The following ST8SIA3 variants were observed in gnomAD, a reference collection of about 807,000 sequenced individuals.
ST8SIA3 encodes ST8 alpha-N-acetyl-neuraminide alpha-2,8-sialyltransferase 3, also known as alpha-N-acetylneuraminate alpha-2,8-sialyltransferase ST8SIA3.
ST8SIA3 carries 17 observed loss-of-function variants against 34.5 expected under a neutral mutation model. The ratio of observed to expected loss-of-function variants is 0.49; its 90% CI spans 0.34 to 0.74. ST8SIA3 has a LOEUF of 0.74. Ranked by LOEUF, ST8SIA3 falls within the 30% of genes least tolerant of loss-of-function variation. The pLI, the probability that ST8SIA3 is intolerant of heterozygous loss-of-function variation, is 0.01. For missense variants in ST8SIA3, 354 were observed against 467.8 expected, an observed-to-expected ratio of 0.76 and a Z score of 2.24; for synonymous variants, 172 against 176.1, an observed-to-expected ratio of 0.98 and a Z score of 0.19.
rs1414875891 is a variant in ST8SIA3 at position 57,352,763 on chromosome 18, CACACACAT to C, written c.-82_-75del. ...ACACACACACACACACACACACACACACACACATATATACACGCCAGCGAGCTGCTGGC... is the reference window on the plus strand; with the variant it reads ...ACACACACACACACACACACACACACATATACACGCCAGCGAGCTGCTGGC... On this transcript the variant is annotated 5_prime_UTR_variant, in exon 1 of 4. Transcript: ENST00000324000. 21 of 968,566 alleles carry C rather than the reference CACACACAT, an allele frequency of 2.2e-5. No individual in the cohort carries two copies. The African/African-American group carries it at 4.2e-4, about 19-fold the overall frequency. The allele number at this position is 968,566 out of a possible 1,614,324, so 60.0% of individuals were successfully genotyped here. A position where few individuals can be genotyped will look rare whatever the true frequency, so the allele number is the denominator to read the frequency against.
At position 57,365,681 on chromosome 18, in the gene ST8SIA3, G is replaced by A. The variant is rs780070128; in HGVS notation, c.*5404G>A. On this transcript the variant is annotated 3_prime_UTR_variant, in exon 4 of 4. Transcript: ENST00000324000. The stretch of plus-strand genomic sequence containing the variant: ...AGTCTCCAAAACACAAAGGTATTCA[G>A]GCTAAAATAAAACCAATCAAAAAAG... The A allele has an allele frequency of 6.6e-6, 1 of 152,124 alleles. No individual in the cohort carries two copies. Among genetic ancestry groups the A allele is most frequent in the African/African-American group, 2.4e-5 (1 of 41,422 alleles). The allele number at this position is 152,124 out of a possible 1,614,324, so 9.4% of individuals were successfully genotyped here.
In ST8SIA3 at chr18:57,368,511, C is replaced by A. The variant is rs963594707; in HGVS notation, c.*8234C>A. On this transcript the variant is annotated 3_prime_UTR_variant, in exon 4 of 4. Coordinates refer to ENST00000324000, the MANE Select transcript of ST8SIA3 (RefSeq NM_015879.3). ...TTGATGCATTTGTTTTGGAAAGTGC[C>A]ATTTTATGCTGAGATACTGGTATTG... 1 of 152,208 alleles carries A rather than the reference C, an allele frequency of 6.6e-6. No homozygotes were observed. The highest frequency in any genetic ancestry group is 6.5e-5 in the Admixed American group (1 of 15,290). The allele number at this position is 152,208 out of a possible 1,614,324, so 9.4% of individuals were successfully genotyped here. A position where few individuals can be genotyped will look rare whatever the true frequency, so the allele number is the denominator to read the frequency against.
In ST8SIA3 at chr18:57,361,581, A is replaced by G. The variant is rs1476100224; in HGVS notation, c.*1304A>G. 4 of 152,642 alleles carry G rather than the reference A, an allele frequency of 2.6e-5. No individual in the cohort carries two copies. Among genetic ancestry groups the G allele is most frequent in the Admixed American group, 6.5e-5 (1 of 15,284 alleles). The allele number at this position is 152,642 out of a possible 1,614,324, so 9.5% of individuals were successfully genotyped here. A position where few individuals can be genotyped will look rare whatever the true frequency, so the allele number is the denominator to read the frequency against. Reference sequence around the variant, plus strand: ...GCAGTGGCAAGAGTTGGAATCCAAGATTATGTAGACCTGCGATGAAGGAAG... The same window carrying G: ...GCAGTGGCAAGAGTTGGAATCCAAGGTTATGTAGACCTGCGATGAAGGAAG... On this transcript the variant is annotated 3_prime_UTR_variant, in exon 4 of 4. Coordinates refer to ENST00000324000, the MANE Select transcript of ST8SIA3 (RefSeq NM_015879.3).
In ST8SIA3 at chr18:57,366,945, T is replaced by C. The variant is rs533500619; in HGVS notation, c.*6668T>C. 10 of 152,330 alleles carry C rather than the reference T, an allele frequency of 6.6e-5. No individual in the cohort carries two copies. The highest frequency in any genetic ancestry group is 6.5e-4 in the Admixed American group (10 of 15,310). The allele number at this position is 152,330 out of a possible 1,614,324, so 9.4% of individuals were successfully genotyped here. ...GTCCTTTCTCACCACTAGTTGTGAG[T>C]GTACTTCCAACTGAGTGTTTAGAAA... On this transcript the variant is annotated 3_prime_UTR_variant, in exon 4 of 4. Coordinates refer to ENST00000324000, the MANE Select transcript of ST8SIA3 (RefSeq NM_015879.3).
chr18:57,353,582 C>T lies in ST8SIA3; in HGVS notation c.179+557C>T, dbSNP rs28665087. ...CTCTCAACCCTTTCCCCCGCAGCCACCGCCCCCCACCAGCTTTCCGGGATT... is the reference window on the plus strand; with the variant it reads ...CTCTCAACCCTTTCCCCCGCAGCCATCGCCCCCCACCAGCTTTCCGGGATT... On this transcript the variant is annotated intron_variant, in intron 1 of 3. Transcript: ENST00000324000. Among the ~76,000 whole-genome samples, 625 of 152,282 alleles carry T rather than the reference C, an allele frequency of 4.1e-3. 8 individuals are homozygous for T. The highest frequency in any genetic ancestry group is 0.014 in the African/African-American group (592 of 41,560).
chr18:57,356,935 G>A lies in ST8SIA3; in HGVS notation c.325G>A (p.Asp109Asn), dbSNP rs781399885. The part of the protein sequence containing the change: ...HQRQEILQHV[D>N]VIKNFSLTKN... ...TAGGCAAGAAATTCTTCAGCATGTC[G>A]ATGTAATAAAAAATTTTTCTTTGAC... The change falls in exon 3 of 4, where the codon GAT becomes AAT. Residue 109 changes from aspartate (D) to asparagine (N), a missense_variant. Around this residue, in one of 3 missense-constraint regions of ST8SIA3, gnomAD observed 184 missense variants for 205.4 expected, o/e 0.90. Coordinates refer to ENST00000324000, the MANE Select transcript of ST8SIA3 (RefSeq NM_015879.3). The A allele has an allele frequency of 5.6e-6, 9 of 1,599,394 alleles. No individual in the cohort carries two copies. Among genetic ancestry groups the A allele is most frequent in the Admixed American group, 3.4e-5 (2 of 58,034 alleles).
chr18:57,358,026 T>C lies in ST8SIA3; in HGVS notation c.860+556T>C, dbSNP rs141627947. On this transcript the variant is annotated intron_variant, in intron 3 of 3. Coordinates refer to ENST00000324000, the MANE Select transcript of ST8SIA3 (RefSeq NM_015879.3). ...TATCTCTTGGGATTTGATAGACAGA[T>C]TAGCCAGAGATGCAATATTTTCTTC... Among the ~76,000 whole-genome samples the C allele has an allele frequency of 6.8e-3, 1,042 of 152,342 alleles. 17 individuals are homozygous for C. The highest frequency in any genetic ancestry group is 0.024 in the African/African-American group (1,002 of 41,594).
chr18:57,359,659 G>A (rs1338557707), intron 3 of ST8SIA3, among the ~76,000 whole-genome samples: 1 of 152,160 alleles, frequency 6.6e-6, no homozygotes, highest in East Asian at 1.9e-4. Flanking sequence ...CCCAGGGGCA[G>A]CTTCAAAGGC....
intron 2 of ST8SIA3, 117 bp downstream of exon 2, chr18:57,354,641 C>A (rs942015414): frequency 1.8e-5 from 22 of 1,204,738 alleles, no homozygotes; most frequent in Non-Finnish European, 2.6e-5. Context: ...ATACGCCCCA[C>A]CCTCACCATC....
intron 2 of ST8SIA3, among the ~76,000 whole-genome samples, chr18:57,355,268 A>G (rs2049792753): frequency 6.6e-6 from 1 of 152,210 alleles, no homozygotes; most frequent in East Asian, 1.9e-4. Flanking sequence ...ACGATAACTC[A>G]TTACTCCTTC....
At chr18:57,354,317 C>A in intron 1 of ST8SIA3, 85 bp from the exon 2 acceptor site, 1 of 1,575,020 alleles carries the variant, frequency 6.3e-7, no homozygotes, top group Admixed American at 1.7e-5. Flanking sequence ...CAGCCGCCCT[C>A]GCCCCAGCCG....
At chr18:57,358,654 C>T (rs1207662083) in intron 3 of ST8SIA3, among the ~76,000 whole-genome samples, 1 of 152,088 alleles carries the variant, frequency 6.6e-6, no homozygotes, top group Admixed American at 6.6e-5. Flanking sequence ...CTGGGACTGT[C>T]CCAGTTCCCC....
At position 57,360,123 on chromosome 18, in the gene ST8SIA3, C is replaced by T. The variant is rs1351468317; in HGVS notation, c.989C>T (p.Thr330Ile). ...GFWPFGFDPN[T>I]REDLPYHYYD... ...TGGCCGTTTGGATTTGACCCCAACA[C>T]AAGGGAAGATCTTCCATACCATTAC... Residue 330 changes from threonine (T) to isoleucine (I), a missense_variant, in exon 4 of 4, where the codon ACA (threonine) becomes ATA (isoleucine). Physicochemically the swap from Thr to Ile is moderately conservative, Grantham distance 89 (BLOSUM62 -1). This residue lies in a region of ST8SIA3 where 166 missense variants were observed against 245.2 expected (regional missense o/e 0.68). Transcript: ENST00000324000. 5 of 1,614,052 alleles carry T rather than the reference C, an allele frequency of 3.1e-6. No homozygotes were observed. Among genetic ancestry groups the T allele is most frequent in the South Asian group, 1.1e-5 (1 of 91,084 alleles).
At position 57,363,791 on chromosome 18, in the gene ST8SIA3, T is replaced by A. The variant is rs1189996185; in HGVS notation, c.*3514T>A. ...CTAGGACACTGGAAATGAAGAGGCC[T>A]TCAGCTTCGCCAGTCTTGATTCTTG... On this transcript the variant is annotated 3_prime_UTR_variant, in exon 4 of 4. Transcript: ENST00000324000. 6.6e-6 allele frequency: 1 copy of A among 152,190 alleles called. No homozygotes were observed. 9.4% of individuals were successfully genotyped at this position (152,190 alleles called of 1,614,324 possible).
Position 57,361,640 on chromosome 18 carries a change from A to G in ST8SIA3, c.*1363A>G, listed in dbSNP as rs1217231437. On this transcript the variant is annotated 3_prime_UTR_variant, in exon 4 of 4. Transcript: ENST00000324000. The stretch of plus-strand genomic sequence containing the variant: ...CATTCTCATTTTCTTTATTTCAGCC[A>G]TATGAGTAGAAATCAAATCATTCCC... The G allele has an allele frequency of 1.3e-5, 2 of 152,698 alleles. No homozygotes were observed. The highest frequency in any genetic ancestry group is 2.9e-5 in the Non-Finnish European group (2 of 68,040). 9.5% of individuals were successfully genotyped at this position (152,698 alleles called of 1,614,324 possible).
At chr18:57,356,542 G>T (rs1034113717) in intron 2 of ST8SIA3, among the ~76,000 whole-genome samples, 3 of 152,184 alleles carry the variant, frequency 2.0e-5, no homozygotes, top group African/African-American at 7.2e-5. Context: ...TAATGTTTGT[G>T]CATTAATGTG....
chr18:57,364,905 CAT>C lies in ST8SIA3; in HGVS notation c.*4631_*4632del, dbSNP rs1189479248. 1.1e-4 allele frequency: 16 copies of C among 152,340 alleles called. No individual in the cohort carries two copies. The highest frequency in any genetic ancestry group is 3.4e-4 in the African/African-American group (14 of 41,446). The allele number at this position is 152,340 out of a possible 1,614,324, so 9.4% of individuals were successfully genotyped here. A position where few individuals can be genotyped will look rare whatever the true frequency, so the allele number is the denominator to read the frequency against. ...TTTTATTGTGATGACTGATTGAAGA[CAT>C]ATGTGTATGAATAGATGTTCCTCAG... On this transcript the variant is annotated 3_prime_UTR_variant, in exon 4 of 4. Coordinates refer to ENST00000324000, the MANE Select transcript of ST8SIA3 (RefSeq NM_015879.3).
In ST8SIA3 at chr18:57,357,276, C is replaced by T; in HGVS notation, c.666C>T (p.Leu222=). The change falls in exon 3 of 4, where the codon CTC becomes CTT. Residue 222 remains leucine (L), a synonymous_variant. Coordinates refer to ENST00000324000, the MANE Select transcript of ST8SIA3 (RefSeq NM_015879.3). ...PSILEKYYNN[L]LTIQDRNNFF... ...TCCTGGAAAAATATTACAACAATCT[C>T]TTGACTATTCAGGACCGTAACAACT... 6.2e-6 allele frequency: 10 copies of T among 1,614,130 alleles called. No individual in the cohort carries two copies. The highest frequency in any genetic ancestry group is 8.5e-6 in the Non-Finnish European group (10 of 1,179,982).
rs141033155 is a variant in ST8SIA3, at chr18:57,361,688, G to T, written c.*1411G>T. The T allele has an allele frequency of 1.1e-3, 170 of 152,730 alleles. 2 individuals carry two copies. Among genetic ancestry groups the T allele is most frequent in the African/African-American group, 3.7e-3 (152 of 41,566 alleles). The allele number at this position is 152,730 out of a possible 1,614,324, so 9.5% of individuals were successfully genotyped here. A position where few individuals can be genotyped will look rare whatever the true frequency, so the allele number is the denominator to read the frequency against. The stretch of plus-strand genomic sequence containing the variant: ...CCCATCCCTGGCTTTTTACTGAGCA[G>T]CACTTTGTTCTTCCAATTCAGCCCA... On this transcript the variant is annotated 3_prime_UTR_variant, in exon 4 of 4. Transcript: ENST00000324000.
Sources: gnomAD v4.1 joint callset for allele counts (sites outside exome capture counted in the v4.1 genomes callset) on GRCh38, gnomAD v4.1.1 for gene constraint, gnomAD v4.1.1 regional missense constraint, MANE v1.5 for transcripts, NCBI Gene and HGNC (gene_info 2026-07-23, HGNC 2026-07-21) for gene names.